PRKAR2B: variants seen among roughly 807,000 people sequenced by gnomAD.
PRKAR2B encodes the protein protein kinase cAMP-dependent type II regulatory subunit beta, also known as cAMP-dependent protein kinase type II-beta regulatory subunit.
A neutral mutation model predicts 49.9 loss-of-function variants in PRKAR2B; 14 were observed. The observed-to-expected ratio is 0.28, with a 90% confidence interval of 0.19 to 0.44. PRKAR2B has a LOEUF of 0.44. Among genes scored for constraint, PRKAR2B ranks in the 20% least tolerant of loss-of-function variants. PRKAR2B has a pLI of 1.00. For missense variants in PRKAR2B, 393 were observed against 537.9 expected, an observed-to-expected ratio of 0.73 and a Z score of 2.67; for synonymous variants, 196 against 197.7, an observed-to-expected ratio of 0.99 and a Z score of 0.07.
intron 6 of PRKAR2B, among the ~76,000 whole-genome samples, chr7:107,150,357 T>A (rs1795961046): frequency 6.6e-6 from 1 of 152,088 alleles, no homozygotes; most frequent in Non-Finnish European, 1.5e-5. Context: ...GCCTTCACAT[T>A]AAATAAAAAT....
chr7:107,127,754 T>C (rs900984510), intron 3 of PRKAR2B, among the ~76,000 whole-genome samples: 2 of 152,228 alleles, frequency 1.3e-5, no homozygotes, highest in African/African-American at 4.8e-5. Flanking sequence ...AGGGACCTTA[T>C]CAAGATTCAA....
chr7:107,063,515 C>T (rs1794067974), intron 1 of PRKAR2B, among the ~76,000 whole-genome samples: 1 of 152,018 alleles, frequency 6.6e-6, no homozygotes, highest in African/African-American at 2.4e-5. Flanking sequence ...TTTGCCAGCT[C>T]TGGAGAAAAG....
chr7:107,056,403 G>A (rs1364565066), intron 1 of PRKAR2B, among the ~76,000 whole-genome samples: 1 of 152,098 alleles, frequency 6.6e-6, no homozygotes, highest in Admixed American at 6.6e-5. Context: ...AAATTACCTT[G>A]GGCAGTATGG....
chr7:107,129,893 C>T (rs1025533403), intron 4 of PRKAR2B, among the ~76,000 whole-genome samples: 4 of 152,150 alleles, frequency 2.6e-5, no homozygotes, highest in Admixed American at 6.5e-5. Flanking sequence ...TCGTCACCAT[C>T]TCGACTTTGG....
chr7:107,114,244 T>C (rs763380973), intron 2 of PRKAR2B, among the ~76,000 whole-genome samples: 27 of 151,786 alleles, frequency 1.8e-4, no homozygotes, highest in Admixed American at 1.3e-3. Flanking sequence ...CATAGGGTAT[T>C]GTTTTTCCTT....
intron 1 of PRKAR2B, among the ~76,000 whole-genome samples, chr7:107,052,553 T>G (rs1256484957): frequency 1.3e-5 from 2 of 152,250 alleles, no homozygotes; most frequent in Non-Finnish European, 2.9e-5. Flanking sequence ...TGTGATTTAG[T>G]CTTCCCCAGA....
intron 2 of PRKAR2B, among the ~76,000 whole-genome samples, chr7:107,118,687 T>G: frequency 6.6e-6 from 1 of 152,180 alleles, no homozygotes; most frequent in East Asian, 1.9e-4. Context: ...TTTCCAGAAT[T>G]AGTTCTGTGT....
At chr7:107,100,030 T>C (rs1737608574) in intron 2 of PRKAR2B, among the ~76,000 whole-genome samples, 1 of 152,146 alleles carries the variant, frequency 6.6e-6, no homozygotes, top group Admixed American at 6.6e-5. Flanking sequence ...TAATCCCTTG[T>C]CAGATACATG....
chr7:107,098,583 G>C (rs990191546), intron 2 of PRKAR2B, among the ~76,000 whole-genome samples: 5 of 152,194 alleles, frequency 3.3e-5, no homozygotes, highest in African/African-American at 1.2e-4. Flanking sequence ...TTTTGGAGGA[G>C]AAGAGGCGCT....
chr7:107,089,844 T>C (rs1203974637), intron 2 of PRKAR2B, among the ~76,000 whole-genome samples: 3 of 152,232 alleles, frequency 2.0e-5, no homozygotes, highest in Non-Finnish European at 4.4e-5. Context: ...GGACACTCCT[T>C]TCAGAACCAC....
intron 2 of PRKAR2B, among the ~76,000 whole-genome samples, chr7:107,095,379 T>G (rs1441476257): frequency 6.6e-6 from 1 of 152,218 alleles, no homozygotes; most frequent in African/African-American, 2.4e-5. Context: ...CTGAAGTTGC[T>G]TATCAGCTTA....
At chr7:107,046,664 G>A (rs2116741719) in intron 1 of PRKAR2B, among the ~76,000 whole-genome samples, 1 of 152,240 alleles carries the variant, frequency 6.6e-6, no homozygotes, top group Non-Finnish European at 1.5e-5. Flanking sequence ...AAGAATGCAT[G>A]TTTTAAATAG....
At chr7:107,067,804 A>G (rs1479307989) in intron 1 of PRKAR2B, among the ~76,000 whole-genome samples, 1 of 152,252 alleles carries the variant, frequency 6.6e-6, no homozygotes, top group Non-Finnish European at 1.5e-5. Flanking sequence ...CAAACAAAGC[A>G]AGAAACAAAA....
intron 2 of PRKAR2B, among the ~76,000 whole-genome samples, chr7:107,093,732 A>G (rs113416189): frequency 3.5e-5 from 5 of 143,868 alleles, no homozygotes; most frequent in South Asian, 4.4e-4. Context: ...TCATTGTTCA[A>G]TTCCCACCTA....
intron 3 of PRKAR2B, among the ~76,000 whole-genome samples, chr7:107,123,092 A>C (rs1795418555): frequency 6.6e-6 from 1 of 152,262 alleles, no homozygotes; most frequent in Non-Finnish European, 1.5e-5. Context: ...ACCGGGTGGC[A>C]ATGAAGACAA....
Position 107,102,653 on chromosome 7 carries a change from T to A in PRKAR2B, c.344-19299T>A, listed in dbSNP as rs1018349845. Among the ~76,000 whole-genome samples the A allele has an allele frequency of 2.0e-5, 3 of 152,124 alleles. No homozygotes were observed. In the South Asian group the frequency reaches 6.2e-4, roughly 32 times the overall value. ...TCCTCATTTTCATCAAGAATATATT[T>A]ATAAAGGAAGAAAAGATTTTTTTGT... On this transcript the variant is annotated intron_variant, in intron 2 of 10. Coordinates refer to ENST00000265717, the MANE Select transcript of PRKAR2B (RefSeq NM_002736.3).
intron 2 of PRKAR2B, among the ~76,000 whole-genome samples, chr7:107,110,245 T>G (rs1444236242): frequency 6.6e-6 from 1 of 152,150 alleles, no homozygotes; most frequent in Non-Finnish European, 1.5e-5. Flanking sequence ...AGAGGAGAAT[T>G]GCCCATCCCA....
At chr7:107,126,411 A>C (rs539649780) in intron 3 of PRKAR2B, among the ~76,000 whole-genome samples, 7 of 144,848 alleles carry the variant, frequency 4.8e-5, no homozygotes, top group South Asian at 4.5e-4. Context: ...ACAGAGTGAG[A>C]ATCTGTCTCA....
chr7:107,102,384 T>C (rs1353194007), intron 2 of PRKAR2B, among the ~76,000 whole-genome samples: 1 of 152,224 alleles, frequency 6.6e-6, no homozygotes, highest in East Asian at 1.9e-4. Context: ...TAGCATATAA[T>C]TAAGAGTGGG....
Sources: allele counts gnomAD v4.1 joint callset (sites outside exome capture counted in the v4.1 genomes callset), GRCh38; gene constraint gnomAD v4.1.1; transcripts MANE v1.5; gene names NCBI Gene and HGNC (gene_info 2026-07-23, HGNC 2026-07-21).